Variants in ARFGEF1 observed in about 807,000 individuals in gnomAD.
ARFGEF1 encodes brefeldin A-inhibited guanine nucleotide-exchange protein 1.
ARFGEF1 carries 42 observed loss-of-function variants against 231.0 expected under a neutral mutation model. The ratio of observed to expected loss-of-function variants is 0.18; its 90% confidence interval spans 0.14 to 0.24. The LOEUF is 0.24. Ranked by LOEUF, ARFGEF1 falls within the 10% of genes least tolerant of loss-of-function variation. ARFGEF1 has a pLI of 1.00. For synonymous variants in ARFGEF1, 710 were observed against 732.3 expected (o/e 0.97, Z 0.49); for missense variants, 1,345 against 2,192.0 (o/e 0.61, Z 7.72).
chr8:67,177,720 AAGAAT>A, intron 5 of ARFGEF1: 1 of 1,610,364 alleles, frequency 6.2e-7, no homozygotes, highest in Non-Finnish European at 8.5e-7. Flanking sequence ...TACGAGAGCA[AAGAAT>A]GGTAAGCAAC....
chr8:67,261,322 C>G (rs1443205722), intron 14 of ARFGEF1, among the ~76,000 whole-genome samples: 1 of 152,174 alleles, frequency 6.6e-6, no homozygotes, highest in Non-Finnish European at 1.5e-5. Context: ...CAGACTGGCT[C>G]TCTTAGGGGC....
At chr8:67,294,640 A>G (rs1231650604) in intron 5 of ARFGEF1, among the ~76,000 whole-genome samples, 1 of 152,198 alleles carries the variant, frequency 6.6e-6, no homozygotes, top group Non-Finnish European at 1.5e-5. Flanking sequence ...TAAAGGGAGA[A>G]GACTGAAATG....
intron 1 of ARFGEF1, among the ~76,000 whole-genome samples, chr8:67,310,245 T>C (rs1017494605): frequency 2.6e-5 from 4 of 151,808 alleles, no homozygotes; most frequent in African/African-American, 7.2e-5. Flanking sequence ...GTGCCTGCGA[T>C]TGCAGGCACG....
downstream of ARFGEF1, among the ~76,000 whole-genome samples, chr8:67,194,888 T>G (rs963155746): frequency 2.0e-4 from 30 of 152,190 alleles, no homozygotes; most frequent in Non-Finnish European, 4.0e-4. Flanking sequence ...GGAAGTAATC[T>G]CATGCCAACT....
At chr8:67,313,570 C>G (rs1443154449) in intron 1 of ARFGEF1, among the ~76,000 whole-genome samples, 1 of 152,162 alleles carries the variant, frequency 6.6e-6, no homozygotes, top group East Asian at 1.9e-4. Flanking sequence ...GTCTAGCCAC[C>G]CAGCGAGTCT....
chr8:67,257,661 A>T, intron 17 of ARFGEF1, 71 bp downstream of exon 17: 2 of 1,206,900 alleles, frequency 1.7e-6, no homozygotes, highest in Non-Finnish European at 2.4e-6. Context: ...TTCAACTATT[A>T]CTTACTGAAT....
At chr8:67,248,561 T>C (rs1403206733) in intron 19 of ARFGEF1, among the ~76,000 whole-genome samples, 1 of 150,546 alleles carries the variant, frequency 6.6e-6, no homozygotes, top group Non-Finnish European at 1.5e-5. Context: ...GAGGATTCTC[T>C]AGGACATTAA....
At chr8:67,275,576 A>C (rs761141701) in intron 9 of ARFGEF1, among the ~76,000 whole-genome samples, 25 of 152,214 alleles carry the variant, frequency 1.6e-4, no homozygotes, top group Non-Finnish European at 3.1e-4. Context: ...ACAGGGTTAC[A>C]TTAGCTCCAA....
chr8:67,198,947 A>G lies in ARFGEF1; in HGVS notation c.5537T>C (p.Ile1846Thr). Residue 1846 changes from isoleucine to threonine, a missense_variant, in exon 39 of 39, where the codon ATA becomes ACA. Around this residue, in one of 14 missense-constraint regions of ARFGEF1, gnomAD observed 161 missense variants for 284.9 expected, o/e 0.57. Transcript: ENST00000262215. ...ATTAAGTTCCCATCATTGCTTGTTT[A>G]TTCCAAGTTCCTGTTCAGGTGGTTG... ...ISQPPEQELGINKQ is the reference protein window; with the variant it reads ...ISQPPEQELGTNKQ The G allele has an allele frequency of 6.2e-7, 1 of 1,613,388 alleles. No individual in the cohort carries two copies. Among genetic ancestry groups the G allele is most frequent in the Non-Finnish European group, 8.5e-7 (1 of 1,179,804 alleles).
chr8:67,247,813 C>T (rs1840152786), intron 19 of ARFGEF1, among the ~76,000 whole-genome samples: 1 of 150,432 alleles, frequency 6.6e-6, no homozygotes, highest in South Asian at 2.1e-4. Context: ...TTGGAAAAGC[C>T]TGAACGCTCT....
At chr8:67,244,052 C>T (rs1840016466) in intron 19 of ARFGEF1, among the ~76,000 whole-genome samples, 1 of 151,518 alleles carries the variant, frequency 6.6e-6, no homozygotes, top group Admixed American at 6.6e-5. Flanking sequence ...ACCAGCCTGG[C>T]CAACATGACA....
At chr8:67,243,418 G>A (rs772131292) in intron 19 of ARFGEF1, among the ~76,000 whole-genome samples, 1 of 152,196 alleles carries the variant, frequency 6.6e-6, no homozygotes, top group Non-Finnish European at 1.5e-5. Context: ...GAGAGCTTGT[G>A]TGGGGGAACT....
intron 22 of ARFGEF1, among the ~76,000 whole-genome samples, chr8:67,235,955 G>A (rs1247028137): frequency 3.3e-5 from 5 of 151,612 alleles, no homozygotes; most frequent in African/African-American, 4.8e-5. Context: ...TACTCAACCC[G>A]GTCAACTTGG....
rs1274611880 is a variant in ARFGEF1 at position 67,222,225 on chromosome 8, GTATA to G, written c.4209-2669_4209-2666del. ...TATATACACACACATATATATATAT[GTATA>G]TGTATGTATGTATGTATGTATGTAT... On this transcript the variant is annotated intron_variant, in intron 29 of 38. Coordinates refer to ENST00000262215, the MANE Select transcript of ARFGEF1 (RefSeq NM_006421.5). 4.2e-3 allele frequency among the ~76,000 whole-genome samples: 270 copies of G among 64,070 alleles called. 1 individual carries two copies. Among genetic ancestry groups the G allele is most frequent in the African/African-American group, 0.012 (238 of 19,118 alleles). 42.0% of individuals were successfully genotyped at this position (64,070 alleles called of 152,430 possible). A position where few individuals can be genotyped will look rare whatever the true frequency, so the allele number is the denominator to read the frequency against.
intron 19 of ARFGEF1, among the ~76,000 whole-genome samples, chr8:67,250,352 C>T (rs938338589): frequency 3.3e-5 from 5 of 152,140 alleles, no homozygotes; most frequent in Non-Finnish European, 7.4e-5. Flanking sequence ...TTAATGGTAG[C>T]AGAAATGGCA....
intron 1 of ARFGEF1, among the ~76,000 whole-genome samples, chr8:67,320,629 C>A (rs1807543207): frequency 6.6e-6 from 1 of 152,154 alleles, no homozygotes; most frequent in Admixed American, 6.5e-5. Flanking sequence ...GAGTGTTAAA[C>A]AAACTATACG....
At chr8:67,281,658 G>T (rs1468941743) in intron 7 of ARFGEF1, among the ~76,000 whole-genome samples, 1 of 151,802 alleles carries the variant, frequency 6.6e-6, no homozygotes, top group Non-Finnish European at 1.5e-5. Flanking sequence ...AAGAGACAAA[G>T]ATAAAAATAT....
rs1191859303 is a variant in ARFGEF1 at position 67,343,407 on chromosome 8, G to A, written c.-120C>T. On this transcript the variant is annotated 5_prime_UTR_variant, in exon 1 of 39. Coordinates refer to ENST00000262215, the MANE Select transcript of ARFGEF1 (RefSeq NM_006421.5). Reference sequence around the variant, plus strand: ...GAGGGGGTGGAGGTGGGGGATTGGAGGCGTGGAGGGCAGCGGCAGGATCAG... The same window carrying A: ...GAGGGGGTGGAGGTGGGGGATTGGAAGCGTGGAGGGCAGCGGCAGGATCAG... 4.1e-6 allele frequency: 6 copies of A among 1,458,218 alleles called. No individual in the cohort carries two copies. The highest frequency in any genetic ancestry group is 2.8e-5 in the African/African-American group (2 of 71,152). 90.3% of individuals were successfully genotyped at this position (1,458,218 alleles called of 1,614,324 possible).
At chr8:67,334,027 T>C (rs747875778) in intron 1 of ARFGEF1, among the ~76,000 whole-genome samples, 1 of 151,474 alleles carries the variant, frequency 6.6e-6, no homozygotes. Flanking sequence ...TCCCAGCTAC[T>C]TGGGAGGCTG....
Sources: gnomAD v4.1 joint callset for allele counts (sites outside exome capture counted in the v4.1 genomes callset) on GRCh38, gnomAD v4.1.1 for gene constraint, gnomAD v4.1.1 regional missense constraint, MANE v1.5 for transcripts, NCBI Gene and HGNC (gene_info 2026-07-23, HGNC 2026-07-21) for gene names.